Variants in PRMT8 observed in about 807,000 individuals in gnomAD.
PRMT8 encodes the protein protein arginine methyltransferase 8.
Under a neutral mutation model 47.1 loss-of-function variants are expected in PRMT8, and 7 were observed. The observed-to-expected ratio is 0.15, with a 90% CI of 0.08 to 0.28. The LOEUF (loss-of-function observed/expected upper bound fraction) is 0.28, where lower values mean the gene tolerates loss of function less well. Among genes scored for constraint, PRMT8 ranks in the 10% least tolerant of loss-of-function variants. The pLI is 1.00. For missense variants in PRMT8, 237 were observed against 505.4 expected (o/e 0.47, Z 5.09); for synonymous variants, 188 against 186.5 (o/e 1.01, Z -0.07).
intron 1 of PRMT8, among the ~76,000 whole-genome samples, chr12:3,431,791 G>A (rs1313238420): frequency 6.6e-6 from 1 of 152,214 alleles, no homozygotes; most frequent in African/African-American, 2.4e-5. Flanking sequence ...ATGGAGAAAT[G>A]TATAGTGTAG....
chr12:3,417,075 T>A (rs950098569), intron 1 of PRMT8, among the ~76,000 whole-genome samples: 1 of 152,196 alleles, frequency 6.6e-6, no homozygotes, highest in Non-Finnish European at 1.5e-5. Context: ...TTTTCAGGTT[T>A]TTGATGACTT....
At chr12:3,525,144 C>T (rs934108666) in intron 1 of PRMT8, among the ~76,000 whole-genome samples, 5 of 152,160 alleles carry the variant, frequency 3.3e-5, no homozygotes, top group Non-Finnish European at 7.4e-5. Context: ...ATGGCTTGAA[C>T]CTGGGAGGCA....
At chr12:3,577,783 C>T (rs945324551) in intron 7 of PRMT8, among the ~76,000 whole-genome samples, 3 of 152,110 alleles carry the variant, frequency 2.0e-5, no homozygotes, top group African/African-American at 4.8e-5. Flanking sequence ...AGATTAGACA[C>T]GCCTGCTCTA....
chr12:3,428,964 A>ATC (rs774118688), intron 1 of PRMT8, among the ~76,000 whole-genome samples: 2 of 75,708 alleles, frequency 2.6e-5, no homozygotes, highest in Middle Eastern at 8.1e-3. Flanking sequence ...GCCTCTCTCT[A>ATC]TCTCTTTCCT....
intron 1 of PRMT8, among the ~76,000 whole-genome samples, chr12:3,418,414 G>A (rs546721259): frequency 6.6e-6 from 1 of 152,340 alleles, no homozygotes; most frequent in Admixed American, 6.5e-5. Flanking sequence ...GCAGGACAGT[G>A]CCAATCTTGG....
In PRMT8 at chr12:3,453,831, G is replaced by A. The variant is rs1400530429; in HGVS notation, c.48+72389G>A. On this transcript the variant is annotated intron_variant, in intron 1 of 9. Coordinates refer to the PRMT8 transcript ENST00000452611. This position sits in a 1 kb window ranked among gnomAD's most constrained non-coding sequence, Gnocchi z 4.9. ...CTCAGCTCCTGCTATGCTAGGTCTGGGCTTCCGACGCCGGCCCTGCTCCGG... is the reference window on the plus strand; with the variant it reads ...CTCAGCTCCTGCTATGCTAGGTCTGAGCTTCCGACGCCGGCCCTGCTCCGG... Among the ~76,000 whole-genome samples the A allele has an allele frequency of 1.3e-5, 2 of 152,114 alleles. No individual in the cohort carries two copies. The highest frequency in any genetic ancestry group is 2.9e-5 in the Non-Finnish European group (2 of 68,016).
intron 1 of PRMT8, among the ~76,000 whole-genome samples, chr12:3,472,104 G>T (rs1865167967): frequency 6.6e-6 from 1 of 152,158 alleles, no homozygotes; most frequent in African/African-American, 2.4e-5. Flanking sequence ...TGTTCCTTGA[G>T]TCAGATCTCC....
At chr12:3,529,676 G>A (rs905641563) in intron 1 of PRMT8, among the ~76,000 whole-genome samples, 1 of 152,224 alleles carries the variant, frequency 6.6e-6, no homozygotes, top group African/African-American at 2.4e-5. Flanking sequence ...AACCAGGTGA[G>A]AATCTAGATT....
chr12:3,525,622 A>G (rs1025533149), intron 1 of PRMT8, among the ~76,000 whole-genome samples: 2 of 152,168 alleles, frequency 1.3e-5, no homozygotes, highest in African/African-American at 4.8e-5. Flanking sequence ...TTAGGAGTGA[A>G]GAAACCTCAT....
At chr12:3,441,615 G>C (rs1565408488) in intron 1 of PRMT8, among the ~76,000 whole-genome samples, 1 of 152,216 alleles carries the variant, frequency 6.6e-6, no homozygotes, top group Non-Finnish European at 1.5e-5. Context: ...GAATTCATGA[G>C]GGAATTAATG....
intron 1 of PRMT8, among the ~76,000 whole-genome samples, chr12:3,390,915 C>T (rs1043664504): frequency 3.3e-5 from 5 of 152,176 alleles, no homozygotes; most frequent in African/African-American, 1.2e-4. Flanking sequence ...TTGGGCTGAG[C>T]GAATAGCTCT....
chr12:3,584,516 G>A (rs919715436), intron 8 of PRMT8, among the ~76,000 whole-genome samples: 4 of 152,100 alleles, frequency 2.6e-5, no homozygotes, highest in African/African-American at 7.2e-5. Flanking sequence ...CTAACATCTC[G>A]TGCATGTGCC....
intron 1 of PRMT8, among the ~76,000 whole-genome samples, chr12:3,416,741 A>C (rs1254541900): frequency 1.3e-5 from 2 of 152,222 alleles, no homozygotes; most frequent in Non-Finnish European, 2.9e-5. Context: ...AGATATTAGA[A>C]GGAGAAAAAC....
chr12:3,568,083 A>AAT (rs1306154670), intron 4 of PRMT8, among the ~76,000 whole-genome samples: 1 of 152,176 alleles, frequency 6.6e-6, no homozygotes, highest in East Asian at 1.9e-4. Flanking sequence ...AAAAAAAAAA[A>AAT]AAAAATTAAC....
intron 1 of PRMT8, among the ~76,000 whole-genome samples, chr12:3,522,665 A>AC (rs1565430208): frequency 4.9e-5 from 7 of 144,224 alleles, no homozygotes; most frequent in Non-Finnish European, 4.5e-5. Context: ...AAAAAAAAAA[A>AC]AAACAAGCTC....
chr12:3,531,671 G>T (rs970054468), intron 1 of PRMT8, among the ~76,000 whole-genome samples: 2 of 152,190 alleles, frequency 1.3e-5, no homozygotes, highest in African/African-American at 4.8e-5. Context: ...CAGCTGCTGA[G>T]GGCGGCCTTC....
At chr12:3,391,399 G>A (rs1864191615) in intron 1 of PRMT8, among the ~76,000 whole-genome samples, 1 of 152,208 alleles carries the variant, frequency 6.6e-6, no homozygotes, top group African/African-American at 2.4e-5. Context: ...AGGAAGTCAG[G>A]GGGCAGCCAT....
Position 3,492,199 on chromosome 12 carries a change from G to A in PRMT8, c.75+499G>A, listed in dbSNP as rs1382763975. Reference sequence around the variant, plus strand: ...GCTCGAGTCGGTTCCCGAGCTCTCCGTCCCCGCAGCCGCGCGGAGAGCCCC... The same window carrying A: ...GCTCGAGTCGGTTCCCGAGCTCTCCATCCCCGCAGCCGCGCGGAGAGCCCC... On this transcript the variant is annotated intron_variant, in intron 1 of 9. Transcript: ENST00000382622. The surrounding 1 kb of genome is among the most constrained non-coding windows in gnomAD (Gnocchi z 7.5). 6.6e-6 allele frequency among the ~76,000 whole-genome samples: 1 copy of A among 151,804 alleles called. No individual in the cohort carries two copies. The highest frequency in any genetic ancestry group is 1.5e-5 in the Non-Finnish European group (1 of 67,926).
chr12:3,540,252 T>G (rs1354227433), intron 1 of PRMT8, among the ~76,000 whole-genome samples: 6 of 152,228 alleles, frequency 3.9e-5, no homozygotes, highest in Non-Finnish European at 7.3e-5. Flanking sequence ...GTGCTATGCA[T>G]CTTTCCCTTT....
Sources: gnomAD v4.1 joint callset for allele counts (sites outside exome capture counted in the v4.1 genomes callset) on GRCh38, gnomAD v4.1.1 for gene constraint, Gnocchi (gnomAD v3.1) non-coding constraint, MANE v1.5 for transcripts, NCBI Gene and HGNC (gene_info 2026-07-23, HGNC 2026-07-21) for gene names.